The following TMEM63A variants were observed in gnomAD, a reference collection of about 807,000 sequenced individuals.
TMEM63A encodes mechanosensitive cation channel TMEM63A.
Under a neutral mutation model 100.6 loss-of-function variants are expected in TMEM63A, and 76 were observed. The ratio of observed to expected loss-of-function variants is 0.76; its 90% CI spans 0.63 to 0.91. The LOEUF (loss-of-function observed/expected upper bound fraction) is 0.91. TMEM63A is among the 40% of genes least tolerant of loss of function. The pLI is 0.00. For synonymous variants in TMEM63A, 401 were observed against 401.1 expected (o/e 1.00, Z 0.00); for missense variants, 876 against 1,008.8 (o/e 0.87, Z 1.78).
intron 22 of TMEM63A, 60 bp downstream of exon 22, chr1:225,848,837 C>T (rs1669165887): frequency 2.2e-6 from 3 of 1,360,454 alleles, no homozygotes; most frequent in African/African-American, 1.4e-5. Context: ...TGACAGCGAG[C>T]CCGTCCCACC....
At chr1:225,845,115 C>T (rs2102795186), downstream of TMEM63A, 1 of 1,611,612 alleles carries the variant, frequency 6.2e-7, no homozygotes, top group Non-Finnish European at 8.5e-7. Context: ...GGGCCACAGC[C>T]TCACCCCTCC....
At chr1:225,850,164 G>A in intron 20 of TMEM63A, 85 bp from the exon 21 acceptor site, 43 of 1,525,120 alleles carry the variant, frequency 2.8e-5, no homozygotes, top group Non-Finnish European at 3.7e-5. Flanking sequence ...CGGCTATTTT[G>A]GCAAGGAGCC....
In TMEM63A at chr1:225,856,658, A is replaced by G; in HGVS notation, c.1565T>C (p.Leu522Pro). 6.2e-7 allele frequency: 1 copy of G among 1,613,666 alleles called. No homozygotes were observed. The highest frequency in any genetic ancestry group is 8.5e-7 in the Non-Finnish European group (1 of 1,179,828). ...AGAAGGTGGTGGCATATACCTGGTG[A>G]GACCCAGGGAGGGCAGGATCAGCAC... ...FMVLILPSLGLTSLDFFFRWL... is the reference protein window; with the variant it reads ...FMVLILPSLGPTSLDFFFRWL... Residue 522 changes from leucine (L) to proline (P), a missense_variant, in exon 17 of 25, where the codon CTC (leucine) becomes CCC (proline). Around this residue, in one of 5 missense-constraint regions of TMEM63A, gnomAD observed 487 missense variants for 581.9 expected, o/e 0.84. Transcript: ENST00000366835.
Position 225,867,838 on chromosome 1 carries a change from C to T in TMEM63A, c.514+50G>A. The T allele has an allele frequency of 6.2e-7, 1 of 1,610,386 alleles. No homozygotes were observed. Among genetic ancestry groups the T allele is most frequent in the Middle Eastern group, 1.7e-4 (1 of 5,890 alleles). On this transcript the variant is annotated intron_variant, in intron 7 of 24. Transcript: ENST00000366835. This position sits in a 1 kb window ranked among gnomAD's most constrained non-coding sequence, Gnocchi z 4.6. The stretch of plus-strand genomic sequence containing the variant: ...ACCACAGTGAGCCCTTTCCCTAGGA[C>T]TGCCACTCTGCCCCATTACAACATA...
chr1:225,858,975 TG>T (rs1419536791), intron 15 of TMEM63A, among the ~76,000 whole-genome samples: 3 of 151,620 alleles, frequency 2.0e-5, no homozygotes, highest in Non-Finnish European at 4.4e-5. Context: ...TGTGTGTGTG[TG>T]TGTGTGTGTG....
rs1235031983 is a variant in TMEM63A at position 225,862,925 on chromosome 1, G to A, written c.747-74C>T. The A allele has an allele frequency of 3.1e-5, 43 of 1,373,070 alleles. 1 individual carries two copies. The highest frequency in any genetic ancestry group is 1.8e-4 in the South Asian group (15 of 81,528). 85.1% of individuals were successfully genotyped at this position (1,373,070 alleles called of 1,614,324 possible). ...CACCCCAAGCAGGAGACGTGCCCAC[G>A]GATCCAAGGGAAAGGATGGCAGAGT... is the stretch of plus-strand genomic sequence containing the variant. On this transcript the variant is annotated intron_variant, in intron 10 of 24. Transcript: ENST00000366835. The surrounding 1 kb of genome is among the most constrained non-coding windows in gnomAD (Gnocchi z 5.1).
intron 9 of TMEM63A, 138 bp from the exon 10 acceptor site, chr1:225,866,105 G>A (rs7515156): frequency 0.29 from 243,858 of 852,708 alleles, 37,441 homozygotes; most frequent in South Asian, 0.45. Flanking sequence ...TTCTGTGGCC[G>A]GGGGAGCCCC....
Position 225,871,067 on chromosome 1 carries a change from T to C in TMEM63A, c.371+9A>G, listed in dbSNP as rs565089152. The stretch of plus-strand genomic sequence containing the variant: ...AGGCCCCCCAGCAGCTGCCCCCGGG[T>C]GTACTCACTGCAGACGGAAGATGGC... On this transcript the variant is annotated intron_variant, in intron 6 of 24. Coordinates refer to ENST00000366835, the MANE Select transcript of TMEM63A (RefSeq NM_014698.3). 123 of 1,613,638 alleles carry C rather than the reference T, an allele frequency of 7.6e-5. No individual in the cohort carries two copies. In the Admixed American group the frequency reaches 1.1e-3, roughly 15 times the overall value.
At chr1:225,866,967 C>A in intron 8 of TMEM63A, 145 bp downstream of exon 8, 1 of 856,700 alleles carries the variant, frequency 1.2e-6, no homozygotes. Flanking sequence ...TGTTCATGCC[C>A]ACAGCTCAAC....
rs1559032147 is a variant in TMEM63A at position 225,848,480 on chromosome 1, G to A, written c.2250+12C>T. On this transcript the variant is annotated intron_variant, in intron 23 of 24. Coordinates refer to ENST00000366835, the MANE Select transcript of TMEM63A (RefSeq NM_014698.3). Reference sequence around the variant, plus strand: ...AGGGCGACAAGCTCAGAGGCTGAGGGGCACAGCTTACTGTGAACGGTGGGG... The same window carrying A: ...AGGGCGACAAGCTCAGAGGCTGAGGAGCACAGCTTACTGTGAACGGTGGGG... The A allele has an allele frequency of 6.2e-7, 1 of 1,613,980 alleles. No homozygotes were observed. The highest frequency in any genetic ancestry group is 8.5e-7 in the Non-Finnish European group (1 of 1,179,978).
At chr1:225,844,474 G>C, downstream of TMEM63A, 1 of 1,613,912 alleles carries the variant, frequency 6.2e-7, no homozygotes, top group East Asian at 2.2e-5. Context: ...ACTGAGAGTG[G>C]GGCTTTGTGT....
At chr1:225,842,331 C>A, downstream of TMEM63A, 3 of 1,463,620 alleles carry the variant, frequency 2.0e-6, no homozygotes, top group Non-Finnish European at 2.9e-6. Flanking sequence ...GGTCCCCAGG[C>A]CTGAGTCTCT....
chr1:225,873,150 G>A (rs948359359), intron 4 of TMEM63A, among the ~76,000 whole-genome samples: 4 of 152,136 alleles, frequency 2.6e-5, no homozygotes, highest in Admixed American at 6.5e-5. Flanking sequence ...GAAGGAGACC[G>A]ACCCTATTAA....
At chr1:225,842,611 C>T, downstream of TMEM63A, 2 of 758,452 alleles carry the variant, frequency 2.6e-6, no homozygotes, top group Non-Finnish European at 4.7e-6. Context: ...CAAATCCTCA[C>T]CCTGTGACCA....
chr1:225,866,083 CCA>C (rs763280895), intron 9 of TMEM63A, 116 bp from the exon 10 acceptor site: 4 of 1,055,440 alleles, frequency 3.8e-6, no homozygotes, highest in Non-Finnish European at 5.7e-6. Context: ...TCAGAAGGCT[CCA>C]GTTTTCTCCT....
rs890856016 is a variant in TMEM63A, at chr1:225,845,691, G to C, written c.*1248C>G. ...CTGCTGGGGATGAGGCCACTGGCCA[G>C]GGCTATGCTGCACCAGACCAATGGC... On this transcript the variant is annotated 3_prime_UTR_variant, in exon 25 of 25. Coordinates refer to ENST00000366835, the MANE Select transcript of TMEM63A (RefSeq NM_014698.3). The C allele has an allele frequency of 7.1e-6, 3 of 425,148 alleles. No individual in the cohort carries two copies. Among genetic ancestry groups the C allele is most frequent in the African/African-American group, 6.1e-5 (3 of 49,502 alleles). 26.3% of individuals were successfully genotyped at this position (425,148 alleles called of 1,614,324 possible). A position where few individuals can be genotyped will look rare whatever the true frequency, so the allele number is the denominator to read the frequency against.
chr1:225,843,195 G>A (rs1668578295), downstream of TMEM63A, among the ~76,000 whole-genome samples: 1 of 143,046 alleles, frequency 7.0e-6, no homozygotes, highest in Non-Finnish European at 1.5e-5. Context: ...GACTGTGAGA[G>A]TCCAGTGGAA....
intron 13 of TMEM63A, chr1:225,861,394 C>G (rs1669926313): frequency 6.4e-6 from 1 of 155,820 alleles, no homozygotes; most frequent in Non-Finnish European, 1.4e-5. Flanking sequence ...GACCACGTTA[C>G]ACATTGCCTG....
chr1:225,862,313 C>T lies in TMEM63A; in HGVS notation c.990G>A (p.Arg330=). ...AISYYTRMKD[R]LLERITEEER... ...CTTCCTCTGTGATCCTCTCCAGCAG[C>T]CTGTCCTTCATCCGTGTGTAGTAAG... Residue 330 remains arginine (R), a synonymous_variant, in exon 13 of 25, where the codon AGG becomes AGA. Transcript: ENST00000366835. This position sits in a 1 kb window ranked among gnomAD's most constrained non-coding sequence, Gnocchi z 5.1. 1.9e-6 allele frequency: 3 copies of T among 1,614,202 alleles called. No homozygotes were observed. The highest frequency in any genetic ancestry group is 2.5e-6 in the Non-Finnish European group (3 of 1,180,038).
Sources: allele counts gnomAD v4.1 joint callset (sites outside exome capture counted in the v4.1 genomes callset), GRCh38; gene constraint gnomAD v4.1.1; regional missense constraint gnomAD v4.1.1; non-coding constraint Gnocchi (gnomAD v3.1); transcripts MANE v1.5; gene names NCBI Gene and HGNC (gene_info 2026-07-23, HGNC 2026-07-21).